Variants in DPP6 observed in about 807,000 individuals in gnomAD.
DPP6 encodes A-type potassium channel modulatory protein DPP6.
Under a neutral mutation model 122.6 loss-of-function variants are expected in DPP6, and 69 were observed. The observed-to-expected ratio is 0.56, with a 90% confidence interval of 0.46 to 0.69. DPP6 has a LOEUF of 0.69. DPP6 is among the 30% of genes least tolerant of loss of function. The pLI is 0.00. For missense variants in DPP6, 928 were observed against 1,116.9 expected (o/e 0.83, Z 2.41); for synonymous variants, 418 against 433.1 (o/e 0.97, Z 0.43).
At chr7:154,716,350 T>C (rs1049852552) in intron 7 of DPP6, among the ~76,000 whole-genome samples, 2 of 152,140 alleles carry the variant, frequency 1.3e-5, no homozygotes, top group African/African-American at 2.4e-5. Flanking sequence ...CCACCCTGCA[T>C]CCCTACCCAC....
At chr7:154,804,083 T>C (rs1798545548) in intron 14 of DPP6, 128 bp downstream of exon 14, 1 of 1,153,480 alleles carries the variant, frequency 8.7e-7, no homozygotes, top group Non-Finnish European at 1.2e-6. Flanking sequence ...GCAGCATCAC[T>C]GACTCCTAGT....
chr7:154,682,666 T>C (rs1417356119), intron 7 of DPP6, among the ~76,000 whole-genome samples: 1 of 152,234 alleles, frequency 6.6e-6, no homozygotes, highest in African/African-American at 2.4e-5. Context: ...ATGATTCTTC[T>C]GGACCTTTCT....
At chr7:154,132,107 C>T (rs1047268460) in intron 1 of DPP6, among the ~76,000 whole-genome samples, 39 of 152,024 alleles carry the variant, frequency 2.6e-4, no homozygotes, top group African/African-American at 8.9e-4. Flanking sequence ...TTGTTGAATT[C>T]TAGGTCTTAG....
At chr7:154,349,398 A>T (rs553058022) in intron 1 of DPP6, among the ~76,000 whole-genome samples, 1 of 151,704 alleles carries the variant, frequency 6.6e-6, no homozygotes, top group South Asian at 2.1e-4. Flanking sequence ...CTTGTCTCGA[A>T]CTCCTGACCT....
intron 1 of DPP6, among the ~76,000 whole-genome samples, chr7:154,039,224 G>T (rs1799650319): frequency 7.1e-6 from 1 of 140,262 alleles, no homozygotes; most frequent in Non-Finnish European, 1.5e-5. Context: ...TCATCTGGAG[G>T]TGCCCGGTGG....
chr7:154,638,855 C>G (rs1185611906), intron 6 of DPP6, among the ~76,000 whole-genome samples: 1 of 152,178 alleles, frequency 6.6e-6, no homozygotes, highest in African/African-American at 2.4e-5. Context: ...CTTCTCCTGG[C>G]CTTCCTGTTC....
intron 7 of DPP6, among the ~76,000 whole-genome samples, chr7:154,673,407 C>T (rs1586860966): frequency 2.0e-5 from 3 of 152,182 alleles, no homozygotes; most frequent in Admixed American, 2.0e-4. Context: ...CATCTTTTCC[C>T]AGTGCCTCGA....
chr7:154,367,673 A>G (rs189654845), intron 1 of DPP6, among the ~76,000 whole-genome samples: 3 of 152,354 alleles, frequency 2.0e-5, no homozygotes, highest in Admixed American at 6.5e-5. Flanking sequence ...CCCAACATAT[A>G]TTTTTAAGTA....
At chr7:153,819,879 T>A in the DPP6 span, among the ~76,000 whole-genome samples, 176 of 152,358 alleles carry the variant, frequency 1.2e-3, 2 homozygotes, top group East Asian at 0.021. Context: ...TTTTTGCTTA[T>A]AATTTTTGGC....
At chr7:154,599,732 C>T (rs1833320932) in intron 5 of DPP6, among the ~76,000 whole-genome samples, 2 of 151,510 alleles carry the variant, frequency 1.3e-5, no homozygotes, top group African/African-American at 4.9e-5. Context: ...CAAGTGTTCT[C>T]ATTGTTCAAT....
At chr7:154,840,912 C>T (rs1237332844) in intron 16 of DPP6, among the ~76,000 whole-genome samples, 1 of 152,186 alleles carries the variant, frequency 6.6e-6, no homozygotes, top group Non-Finnish European at 1.5e-5. Context: ...ACCCATTCAT[C>T]CTATCGGCGA....
intron 21 of DPP6, among the ~76,000 whole-genome samples, chr7:154,882,522 A>G (rs1171108946): frequency 6.6e-6 from 1 of 152,088 alleles, no homozygotes; most frequent in African/African-American, 2.4e-5. Context: ...TCCTCCTCGC[A>G]TGTGCCCCAG....
intron 1 of DPP6, among the ~76,000 whole-genome samples, chr7:153,922,329 C>T (rs988854701): frequency 1.4e-4 from 22 of 152,026 alleles, no homozygotes; most frequent in African/African-American, 4.8e-4. Context: ...AGTGAGACCC[C>T]GTCTCTATAA....
At chr7:154,521,262 C>G (rs962316139) in intron 3 of DPP6, among the ~76,000 whole-genome samples, 1 of 152,174 alleles carries the variant, frequency 6.6e-6, no homozygotes, top group Admixed American at 6.5e-5. Flanking sequence ...TTCACCTTCA[C>G]CCCTCTCAAC....
At chr7:154,567,140 A>G (rs1201140892) in intron 5 of DPP6, among the ~76,000 whole-genome samples, 1 of 152,196 alleles carries the variant, frequency 6.6e-6, no homozygotes, top group Admixed American at 6.5e-5. Context: ...AGGCTCTTTC[A>G]TAGACTTTTC....
chr7:154,076,782 C>T (rs1268654884), intron 1 of DPP6, among the ~76,000 whole-genome samples: 1 of 152,056 alleles, frequency 6.6e-6, no homozygotes, highest in Non-Finnish European at 1.5e-5. Flanking sequence ...GATCCTACCA[C>T]CTGACAAGGT....
chr7:154,519,499 A>G (rs114897017), intron 3 of DPP6, among the ~76,000 whole-genome samples: 194 of 152,330 alleles, frequency 1.3e-3, no homozygotes, highest in African/African-American at 4.5e-3. Context: ...AGGCACTTTG[A>G]CACTCACAGA....
intron 1 of DPP6, among the ~76,000 whole-genome samples, chr7:153,944,352 G>A (rs1801839957): frequency 6.6e-6 from 1 of 152,238 alleles, no homozygotes; most frequent in Non-Finnish European, 1.5e-5. Context: ...GCTTGGACCT[G>A]TAGATGGACA....
At chr7:154,162,544 G>A (rs1376566880) in intron 1 of DPP6, among the ~76,000 whole-genome samples, 1 of 152,176 alleles carries the variant, frequency 6.6e-6, no homozygotes, top group African/African-American at 2.4e-5. Context: ...GCACACTCTG[G>A]AGCTTTTGCT....
Sources: gnomAD v4.1 joint callset for allele counts (sites outside exome capture counted in the v4.1 genomes callset) on GRCh38, gnomAD v4.1.1 for gene constraint, MANE v1.5 for transcripts, NCBI Gene and HGNC (gene_info 2026-07-23, HGNC 2026-07-21) for gene names.